Variants in CCDC73 observed in about 807,000 individuals in gnomAD.
CCDC73 encodes coiled-coil domain containing 73.
CCDC73 carries 95 observed loss-of-function variants against 116.5 expected under a neutral mutation model. The ratio of observed to expected loss-of-function variants is 0.82; its 90% confidence interval spans 0.69 to 0.97. CCDC73 has a LOEUF of 0.97. Among genes scored for constraint, CCDC73 ranks in the 50% least tolerant of loss-of-function variants. The pLI is 0.00. For missense variants in CCDC73, 1,066 were observed against 1,206.8 expected, an observed-to-expected ratio of 0.88 and a Z score of 1.73; for synonymous variants, 398 against 401.3, an observed-to-expected ratio of 0.99 and a Z score of 0.10.
chr11:32,661,146 A>C (rs1855918863), intron 9 of CCDC73, among the ~76,000 whole-genome samples: 1 of 152,150 alleles, frequency 6.6e-6, no homozygotes, highest in Non-Finnish European at 1.5e-5. Context: ...CAGAATATCA[A>C]ATACCTTCAA....
intron 9 of CCDC73, among the ~76,000 whole-genome samples, chr11:32,656,970 G>C (rs1057040941): frequency 6.6e-6 from 1 of 152,044 alleles, no homozygotes; most frequent in African/African-American, 2.4e-5. Flanking sequence ...ATTTTTTGTA[G>C]TTTTAAAATC....
At chr11:32,725,193 CA>C (rs1226087745) in intron 2 of CCDC73, among the ~76,000 whole-genome samples, 1 of 151,758 alleles carries the variant, frequency 6.6e-6, no homozygotes, top group Non-Finnish European at 1.5e-5. Context: ...TACCCGCAGT[CA>C]ACCATTGTCC....
At chr11:32,777,030 CTTAAAG>C (rs1309043169) in intron 1 of CCDC73, among the ~76,000 whole-genome samples, 4 of 120,134 alleles carry the variant, frequency 3.3e-5, no homozygotes, top group Non-Finnish European at 6.7e-5. Context: ...TATAATTGAA[CTTAAAG>C]TTAGAAGTCT....
chr11:32,668,232 AC>A (rs1184627100), intron 9 of CCDC73, among the ~76,000 whole-genome samples: 1 of 152,210 alleles, frequency 6.6e-6, no homozygotes, highest in South Asian at 2.1e-4. Flanking sequence ...ACTCTCAAGT[AC>A]TAATAAATGG....
At chr11:32,641,002 TGAGA>T (rs1855727807) in intron 13 of CCDC73, among the ~76,000 whole-genome samples, 1 of 146,508 alleles carries the variant, frequency 6.8e-6, no homozygotes, top group Admixed American at 6.8e-5. Context: ...GGGGACAGAG[TGAGA>T]CTCTGTCCCC....
intron 6 of CCDC73, among the ~76,000 whole-genome samples, chr11:32,693,592 G>A (rs984364432): frequency 6.6e-6 from 1 of 152,080 alleles, no homozygotes; most frequent in Non-Finnish European, 1.5e-5. Context: ...TGATACCAAA[G>A]CCTGGCAAAG....
Position 32,653,159 on chromosome 11 carries a change from C to T in CCDC73, c.903G>A (p.Met301Ile), listed in dbSNP as rs377329707. 2 of 1,611,298 alleles carry T rather than the reference C, an allele frequency of 1.2e-6. No individual in the cohort carries two copies. Among genetic ancestry groups the T allele is most frequent in the African/African-American group, 1.3e-5 (1 of 74,824 alleles). Residue 301 changes from methionine to isoleucine, a missense_variant, in exon 12 of 18, where the codon ATG becomes ATA. Physicochemically the swap from Met to Ile is conservative, Grantham distance 10. Transcript: ENST00000335185. ...LRQQIQANTE[M>I]EAELKVLKEN... Reference sequence around the variant, plus strand: ...CTTTTAGCACCTTCAATTCTGCCTCCATTTCAGTATTAGCTTGAATTTGTT... The same window carrying T: ...CTTTTAGCACCTTCAATTCTGCCTCTATTTCAGTATTAGCTTGAATTTGTT...
intron 1 of CCDC73, among the ~76,000 whole-genome samples, chr11:32,770,690 A>C (rs1257258672): frequency 6.6e-6 from 1 of 152,202 alleles, no homozygotes; most frequent in Non-Finnish European, 1.5e-5. Flanking sequence ...TAGAAAATGT[A>C]CCTAATCAAA....
At chr11:32,678,248 C>T (rs1856109393) in intron 7 of CCDC73, among the ~76,000 whole-genome samples, 1 of 151,936 alleles carries the variant, frequency 6.6e-6, no homozygotes, top group Non-Finnish European at 1.5e-5. Flanking sequence ...CACTGCACTC[C>T]AGCCTGGGCA....
At chr11:32,760,329 A>G in intron 1 of CCDC73, 71 bp from the exon 2 acceptor site, 1 of 859,982 alleles carries the variant, frequency 1.2e-6, no homozygotes, top group African/African-American at 1.7e-5. Flanking sequence ...AGTTACCATA[A>G]AAATATAACA....
At chr11:32,687,333 T>C (rs1300977648) in intron 6 of CCDC73, among the ~76,000 whole-genome samples, 2 of 151,770 alleles carry the variant, frequency 1.3e-5, no homozygotes, top group Admixed American at 1.3e-4. Flanking sequence ...CTAAGTAAGG[T>C]GAGGAGGGTG....
chr11:32,789,279 CTG>C (rs1268089250), intron 1 of CCDC73, among the ~76,000 whole-genome samples: 2 of 152,174 alleles, frequency 1.3e-5, no homozygotes, highest in Non-Finnish European at 2.9e-5. Flanking sequence ...ACAAAAATCA[CTG>C]AGTTTCCAAA....
At chr11:32,813,402 G>A in the CCDC73 span, among the ~76,000 whole-genome samples, 2 of 152,008 alleles carry the variant, frequency 1.3e-5, no homozygotes, top group African/African-American at 2.4e-5. Context: ...GACAACAGGG[G>A]TGCATCACTA....
the CCDC73 span, among the ~76,000 whole-genome samples, chr11:32,820,392 G>T: frequency 6.6e-6 from 1 of 152,120 alleles, no homozygotes; most frequent in Admixed American, 6.6e-5. Context: ...CTGGTATCAA[G>T]CAATCCTCAT....
chr11:32,791,991 T>TAC (rs66955881), intron 1 of CCDC73, among the ~76,000 whole-genome samples: 3,261 of 145,190 alleles, frequency 0.022, 84 homozygotes, highest in African/African-American at 0.061. Context: ...CACACACACA[T>TAC]ACACACACAC....
At chr11:32,636,497 C>T (rs763379481) in intron 13 of CCDC73, among the ~76,000 whole-genome samples, 78 of 152,052 alleles carry the variant, frequency 5.1e-4, no homozygotes, top group Non-Finnish European at 8.1e-4. Flanking sequence ...CAAATATGAG[C>T]CAAGGTAAGT....
chr11:32,712,972 C>T (rs945269116), intron 3 of CCDC73, among the ~76,000 whole-genome samples: 6 of 151,960 alleles, frequency 3.9e-5, no homozygotes, highest in African/African-American at 1.4e-4. Flanking sequence ...TCTCTTTGAT[C>T]TCTATTTCTA....
At chr11:32,612,943 A>G (rs569401127) in intron 16 of CCDC73, among the ~76,000 whole-genome samples, 6 of 152,278 alleles carry the variant, frequency 3.9e-5, no homozygotes, top group African/African-American at 1.4e-4. Context: ...TCTCTTTAAC[A>G]TCTGAATGCA....
chr11:32,788,871 A>G (rs1397143072), intron 1 of CCDC73, among the ~76,000 whole-genome samples: 1 of 152,178 alleles, frequency 6.6e-6, no homozygotes, highest in African/African-American at 2.4e-5. Context: ...AATACAAAAG[A>G]CATGGTAGAT....
Sources: allele counts gnomAD v4.1 joint callset (sites outside exome capture counted in the v4.1 genomes callset), GRCh38; gene constraint gnomAD v4.1.1; transcripts MANE v1.5; gene names NCBI Gene and HGNC (gene_info 2026-07-23, HGNC 2026-07-21).